PAIP1: variants seen among roughly 807,000 people sequenced by gnomAD.
The protein encoded by PAIP1 is polyadenylate-binding protein-interacting protein 1.
PAIP1 carries 16 observed loss-of-function variants against 61.3 expected under a neutral mutation model. That is an observed-to-expected ratio of 0.26 (90% CI 0.18 to 0.40). The LOEUF is 0.40. Ranked by LOEUF, PAIP1 falls within the 10% of genes least tolerant of loss-of-function variation. PAIP1 has a pLI of 1.00. For synonymous variants in PAIP1, 187 were observed against 226.2 expected, an observed-to-expected ratio of 0.83 and a Z score of 1.56; for missense variants, 416 against 600.9, an observed-to-expected ratio of 0.69 and a Z score of 3.22.
intron 2 of PAIP1, 24 bp downstream of exon 2, chr5:43,555,806 T>C (rs13189260): frequency 1.3e-6 from 2 of 1,565,098 alleles, no homozygotes; most frequent in Non-Finnish European, 1.7e-6. Flanking sequence ...TAACCCAGAG[T>C]TGTAGGAAAA....
At chr5:43,542,960 T>C (rs1747473550) in intron 4 of PAIP1, 44 bp downstream of exon 4, 1 of 985,070 alleles carries the variant, frequency 1.0e-6, no homozygotes. Context: ...CAAATTCTAG[T>C]ATATTTAGAA....
chr5:43,538,573 C>T (rs972268183), intron 5 of PAIP1, among the ~76,000 whole-genome samples: 42 of 152,230 alleles, frequency 2.8e-4, no homozygotes, highest in African/African-American at 1.0e-3. Context: ...CTTTGAGCCA[C>T]CATCTGAAAG....
intron 5 of PAIP1, among the ~76,000 whole-genome samples, chr5:43,538,622 C>A (rs1359820649): frequency 6.6e-6 from 1 of 152,120 alleles, no homozygotes; most frequent in Non-Finnish European, 1.5e-5. Context: ...GATGTAAGAA[C>A]TCAAAAAGGT....
chr5:43,536,550 A>T (rs996876840), intron 6 of PAIP1, among the ~76,000 whole-genome samples: 1 of 152,220 alleles, frequency 6.6e-6, no homozygotes, highest in Non-Finnish European at 1.5e-5. Flanking sequence ...CTTATTTAAT[A>T]AGAGCACATA....
At chr5:43,529,480 T>C (rs1260874069) in intron 10 of PAIP1, among the ~76,000 whole-genome samples, 1 of 152,106 alleles carries the variant, frequency 6.6e-6, no homozygotes, top group Non-Finnish European at 1.5e-5. Flanking sequence ...CTCGGCTCAC[T>C]GCAACCTCTG....
intron 3 of PAIP1, among the ~76,000 whole-genome samples, chr5:43,543,635 CACTT>C (rs1158461014): frequency 6.6e-6 from 1 of 151,378 alleles, no homozygotes; most frequent in Admixed American, 6.6e-5. Context: ...AAGCAACTAA[CACTT>C]AAACACTCCA....
At chr5:43,546,872 G>A (rs1747656564) in intron 3 of PAIP1, among the ~76,000 whole-genome samples, 1 of 151,720 alleles carries the variant, frequency 6.6e-6, no homozygotes, top group South Asian at 2.1e-4. Context: ...GTGGAACCCT[G>A]TCTCTATCAA....
At chr5:43,542,888 A>G (rs79581612) in intron 4 of PAIP1, 116 bp downstream of exon 4, 23,968 of 564,214 alleles carry the variant, frequency 0.042, 757 homozygotes, top group African/African-American at 0.11. Context: ...TATAATGCAC[A>G]TAAGAATAGG....
Position 43,545,635 on chromosome 5 carries a change from C to A in PAIP1, c.621+2093G>T, listed in dbSNP as rs149191677. ...TGCCAAATCAGGTACCACTCACCCA[C>A]CTGCTTTCTAGTCTTCAAAACTAGT... On this transcript the variant is annotated intron_variant, in intron 3 of 10. Transcript: ENST00000306846. Among the ~76,000 whole-genome samples the A allele has an allele frequency of 9.3e-3, 1,421 of 152,308 alleles. 22 individuals carry two copies. Among genetic ancestry groups the A allele is most frequent in the South Asian group, 0.047 (226 of 4,832 alleles).
intron 3 of PAIP1, among the ~76,000 whole-genome samples, chr5:43,545,688 A>G (rs932777863): frequency 2.6e-5 from 4 of 151,492 alleles, no homozygotes; most frequent in African/African-American, 7.3e-5. Context: ...CTCTGTCCCT[A>G]TGAGCTTCCG....
intron 9 of PAIP1, 89 bp from the exon 10 acceptor site, chr5:43,529,968 C>G: frequency 1.4e-6 from 1 of 700,282 alleles, no homozygotes; most frequent in Non-Finnish European, 2.6e-6. Context: ...AATATTATGA[C>G]TTTTGCCCCC....
At chr5:43,542,717 T>G (rs1003581572) in intron 4 of PAIP1, among the ~76,000 whole-genome samples, 2 of 152,070 alleles carry the variant, frequency 1.3e-5, no homozygotes, top group Admixed American at 1.3e-4. Context: ...CTAATCTAAA[T>G]AAAATTAGAT....
intron 9 of PAIP1, among the ~76,000 whole-genome samples, chr5:43,531,954 C>G (rs1302242629): frequency 1.3e-5 from 2 of 151,932 alleles, no homozygotes; most frequent in Non-Finnish European, 2.9e-5. Flanking sequence ...TAACTTGAAA[C>G]TCTGAGAAAA....
At chr5:43,538,865 T>A in intron 5 of PAIP1, 59 bp downstream of exon 5, 1 of 834,922 alleles carries the variant, frequency 1.2e-6, no homozygotes, top group Non-Finnish European at 2.1e-6. Flanking sequence ...AAATTCCTCA[T>A]TGAGATCAAC....
At chr5:43,556,058 C>T in intron 1 of PAIP1, 59 bp from the exon 2 acceptor site, 3 of 1,548,758 alleles carry the variant, frequency 1.9e-6, no homozygotes, top group Non-Finnish European at 2.6e-6. Flanking sequence ...CAGCAACTTG[C>T]TATATACTGA....
chr5:43,542,985 A>G lies in PAIP1; in HGVS notation c.734+19T>C, dbSNP rs776645429. 18 of 1,288,344 alleles carry G rather than the reference A, an allele frequency of 1.4e-5. No homozygotes were observed. In the South Asian group the frequency reaches 1.7e-4, roughly 12 times the overall value. The allele number at this position is 1,288,344 out of a possible 1,614,324, so 79.8% of individuals were successfully genotyped here. On this transcript the variant is annotated intron_variant, in intron 4 of 10. Coordinates refer to ENST00000306846, the MANE Select transcript of PAIP1 (RefSeq NM_006451.5). ...TATATTTAGAAGTAGTTTTCCTTTA[A>G]TTTCACATTTACACTGACCTTTGAA...
intron 2 of PAIP1, among the ~76,000 whole-genome samples, chr5:43,550,909 A>G (rs1232475639): frequency 6.6e-6 from 1 of 151,620 alleles, no homozygotes; most frequent in Non-Finnish European, 1.5e-5. Context: ...ACTAAGAAAG[A>G]AAAAAAGATC....
At chr5:43,555,302 C>T (rs1748017123) in intron 2 of PAIP1, among the ~76,000 whole-genome samples, 2 of 152,224 alleles carry the variant, frequency 1.3e-5, no homozygotes, top group Admixed American at 1.3e-4. Flanking sequence ...TATCATCAAT[C>T]ATTTCTCCAA....
chr5:43,543,137 G>C (rs763587957), intron 3 of PAIP1, 21 bp from the exon 4 acceptor site: 3 of 1,225,420 alleles, frequency 2.4e-6, no homozygotes, highest in East Asian at 2.3e-5. Context: ...GAAGAAAAGT[G>C]TTATATGACA....
Sources: gnomAD v4.1 joint callset for allele counts (sites outside exome capture counted in the v4.1 genomes callset) on GRCh38, gnomAD v4.1.1 for gene constraint, MANE v1.5 for transcripts, NCBI Gene and HGNC (gene_info 2026-07-23, HGNC 2026-07-21) for gene names.